CDKAL1: variants seen among roughly 807,000 people sequenced by gnomAD.
CDKAL1 encodes threonylcarbamoyladenosine tRNA methylthiotransferase.
Under a neutral mutation model 68.2 loss-of-function variants are expected in CDKAL1, and 32 were observed. That is an observed-to-expected ratio of 0.47 (90% CI 0.35 to 0.63). The LOEUF (loss-of-function observed/expected upper bound fraction) is 0.63. Ranked by LOEUF, CDKAL1 falls within the 30% of genes least tolerant of loss-of-function variation. The pLI is 0.00. For synonymous variants in CDKAL1, 234 were observed against 244.3 expected (o/e 0.96, Z 0.39); for missense variants, 606 against 696.7 (o/e 0.87, Z 1.47).
chr6:20,669,203 A>T (rs1156440030), intron 5 of CDKAL1, among the ~76,000 whole-genome samples: 1 of 152,118 alleles, frequency 6.6e-6, no homozygotes, highest in African/African-American at 2.4e-5. Flanking sequence ...TCACCATTAT[A>T]ATTTTAGCAT....
intron 9 of CDKAL1, among the ~76,000 whole-genome samples, chr6:20,948,720 A>G (rs1764381087): frequency 6.6e-6 from 1 of 152,218 alleles, no homozygotes; most frequent in Non-Finnish European, 1.5e-5. Context: ...GTTCATAGAC[A>G]CTGCTGTCTG....
chr6:21,157,033 T>TAA (rs1776681848), intron 13 of CDKAL1, among the ~76,000 whole-genome samples: 1 of 152,220 alleles, frequency 6.6e-6, no homozygotes, highest in Non-Finnish European at 1.5e-5. Flanking sequence ...TCTTTGTTTC[T>TAA]ACTGTGATGC....
At chr6:20,971,700 TAGA>T (rs1765612626) in intron 10 of CDKAL1, among the ~76,000 whole-genome samples, 1 of 152,214 alleles carries the variant, frequency 6.6e-6, no homozygotes, top group South Asian at 2.1e-4. Context: ...TTTACAGAAG[TAGA>T]AGATTTAAAT....
chr6:20,686,656 C>G (rs1581384065), intron 5 of CDKAL1, among the ~76,000 whole-genome samples: 1 of 152,210 alleles, frequency 6.6e-6, no homozygotes, highest in East Asian at 1.9e-4. Context: ...CCCACCCAAT[C>G]TGTGGAAAAA....
intron 12 of CDKAL1, among the ~76,000 whole-genome samples, chr6:21,083,999 G>A (rs551664327): frequency 6.6e-6 from 1 of 152,214 alleles, no homozygotes; most frequent in Admixed American, 6.5e-5. Context: ...CTTGGTTCAG[G>A]TGTTAGCTGG....
intron 15 of CDKAL1, 99 bp from the exon 16 acceptor site, chr6:21,230,749 A>G: frequency 1.1e-6 from 1 of 946,372 alleles, no homozygotes; most frequent in Non-Finnish European, 1.5e-6. Flanking sequence ...AGGAGTACAT[A>G]AAAGGCGGCA....
At position 20,720,689 on chromosome 6, in the gene CDKAL1, A is replaced by G. The variant is rs112148775; in HGVS notation, c.372-18830A>G. ...TAATTTTTGTATTTTTAGTAGAGAC[A>G]GGGTTTCACCATGTTGGCCAGGCTG... On this transcript the variant is annotated intron_variant, in intron 5 of 15. Transcript: ENST00000274695. Among the ~76,000 whole-genome samples, 1,406 of 152,180 alleles carry G rather than the reference A, an allele frequency of 9.2e-3. 24 individuals carry two copies. The highest frequency in any genetic ancestry group is 0.032 in the African/African-American group (1,345 of 41,526).
chr6:20,727,108 G>T (rs940179666), intron 5 of CDKAL1, among the ~76,000 whole-genome samples: 1 of 152,130 alleles, frequency 6.6e-6, no homozygotes, highest in African/African-American at 2.4e-5. Flanking sequence ...CAAGAGGGTG[G>T]TTACTCTTAT....
chr6:20,899,889 C>T (rs9368254), intron 9 of CDKAL1, among the ~76,000 whole-genome samples: 145,998 of 152,310 alleles, frequency 0.96, 69,985 homozygotes, highest in East Asian at 1. Flanking sequence ...TGTGAAGTTG[C>T]TACTATTATC....
At chr6:21,074,286 TTG>T (rs1214388874) in intron 12 of CDKAL1, among the ~76,000 whole-genome samples, 169 of 152,352 alleles carry the variant, frequency 1.1e-3, no homozygotes, top group African/African-American at 3.1e-3. Flanking sequence ...TCTGACTTTA[TTG>T]TCACAAGGTG....
intron 4 of CDKAL1, among the ~76,000 whole-genome samples, chr6:20,627,576 C>T (rs1448436951): frequency 1.3e-5 from 2 of 152,110 alleles, no homozygotes; most frequent in African/African-American, 4.8e-5. Flanking sequence ...AAGGACTTCC[C>T]CTTTCCATAT....
intron 9 of CDKAL1, among the ~76,000 whole-genome samples, chr6:20,860,937 T>A (rs1054540929): frequency 4.7e-5 from 7 of 150,230 alleles, no homozygotes; most frequent in Admixed American, 1.3e-4. Flanking sequence ...TGGTCTATTT[T>A]TTTTTTTTTT....
At position 20,697,858 on chromosome 6, in the gene CDKAL1, G is replaced by T. The variant is rs544396347; in HGVS notation, c.372-41661G>T. Among the ~76,000 whole-genome samples, 4 of 152,248 alleles carry T rather than the reference G, an allele frequency of 2.6e-5. No individual in the cohort carries two copies. The South Asian group carries it at 6.2e-4, about 24-fold the overall frequency. On this transcript the variant is annotated intron_variant, in intron 5 of 15. Coordinates refer to ENST00000274695, the MANE Select transcript of CDKAL1 (RefSeq NM_017774.3). ...AGTAATCATTGCTATCTCCTGGTAT[G>T]GGTTTCTGATGAGAGTGTCCTGGGC...
At chr6:20,771,392 A>G (rs1774935804) in intron 7 of CDKAL1, among the ~76,000 whole-genome samples, 1 of 152,140 alleles carries the variant, frequency 6.6e-6, no homozygotes, top group African/African-American at 2.4e-5. Context: ...ACAGTACAAG[A>G]TTATTCAGTT....
rs116203585 is a variant in CDKAL1 at position 20,747,871 on chromosome 6, C to A, written c.468+8256C>A. The stretch of plus-strand genomic sequence containing the variant: ...TTTGTTTATTTTTGCTTTTTGTTGC[C>A]TGAGCTTTTGGTGTGATATCCAAAA... On this transcript the variant is annotated intron_variant, in intron 6 of 15. Transcript: ENST00000274695. Among the ~76,000 whole-genome samples the A allele has an allele frequency of 2.8e-3, 431 of 152,116 alleles. 2 individuals carry two copies. Among genetic ancestry groups the A allele is most frequent in the Non-Finnish European group, 4.2e-3 (285 of 68,002 alleles).
chr6:21,094,491 A>G (rs1773220747), intron 12 of CDKAL1, among the ~76,000 whole-genome samples: 1 of 152,204 alleles, frequency 6.6e-6, no homozygotes, highest in African/African-American at 2.4e-5. Flanking sequence ...AACAAACAAC[A>G]TACACAAAAA....
intron 10 of CDKAL1, among the ~76,000 whole-genome samples, chr6:20,973,069 A>G (rs1765670885): frequency 1.0e-5 from 1 of 100,182 alleles, no homozygotes; most frequent in Non-Finnish European, 2.0e-5. Flanking sequence ...TAAGAGCGAA[A>G]CTCCGTCTCA....
At chr6:21,039,741 A>AT (rs1045761221) in intron 11 of CDKAL1, among the ~76,000 whole-genome samples, 2 of 151,772 alleles carry the variant, frequency 1.3e-5, no homozygotes, top group East Asian at 3.9e-4. Flanking sequence ...AATCACTCAA[A>AT]TTTTTTTTTA....
At chr6:20,965,250 T>G (rs1408353338) in intron 10 of CDKAL1, among the ~76,000 whole-genome samples, 2 of 150,762 alleles carry the variant, frequency 1.3e-5, no homozygotes, top group Non-Finnish European at 2.9e-5. Flanking sequence ...AGTTCAAGAC[T>G]GTGGTGAGCT....
Sources: gnomAD v4.1 joint callset for allele counts (sites outside exome capture counted in the v4.1 genomes callset) on GRCh38, gnomAD v4.1.1 for gene constraint, MANE v1.5 for transcripts, NCBI Gene and HGNC (gene_info 2026-07-23, HGNC 2026-07-21) for gene names.